Variants in SS18 observed in about 807,000 individuals in gnomAD.
SS18 encodes SS18 subunit of BAF chromatin remodeling complex.
In SS18, 28 loss-of-function variants were observed where a neutral mutation model predicts 72.5. That is an observed-to-expected ratio of 0.39 (90% confidence interval 0.29 to 0.53). The LOEUF is 0.53. Among genes scored for constraint, SS18 ranks in the 20% least tolerant of loss-of-function variants. The pLI is 0.76. For synonymous variants in SS18, 172 were observed against 164.2 expected (o/e 1.05, Z -0.37); for missense variants, 518 against 535.3 (o/e 0.97, Z 0.32).
chr18:26,077,974 C>T, intron 3 of SS18, 102 bp downstream of exon 3: 2 of 730,830 alleles, frequency 2.7e-6, no homozygotes, highest in Non-Finnish European at 4.5e-6. Context: ...CAGAGTAAAG[C>T]AGGATTTACT....
Position 26,039,298 on chromosome 18 carries a change from G to A in SS18, c.766C>T (p.Pro256Ser). 9 of 1,605,234 alleles carry A rather than the reference G, an allele frequency of 5.6e-6. No homozygotes were observed. Among genetic ancestry groups the A allele is most frequent in the Non-Finnish European group, 7.7e-6 (9 of 1,174,584 alleles). Residue 256 changes from proline (P) to serine (S), a missense_variant, in exon 6 of 11, where the codon CCT becomes TCT. Pro to Ser is a moderately conservative substitution (Grantham distance 74). Coordinates refer to ENST00000415083, the MANE Select transcript of SS18 (RefSeq NM_001007559.3). The part of the protein sequence containing the change: ...GQRQIPPYRP[P>S]QQGPPQQYSG... ...CCAAATGGAATCTTACCCTGTTGAG[G>A]AGGTCTATAGGGAGGAATCTGTCTC...
At chr18:26,031,950 A>C (rs1431241447) in intron 10 of SS18, among the ~76,000 whole-genome samples, 1 of 152,170 alleles carries the variant, frequency 6.6e-6, no homozygotes, top group Non-Finnish European at 1.5e-5. Flanking sequence ...AGGGAGGATC[A>C]CAGAAATCAC....
At chr18:26,077,941 A>G in intron 3 of SS18, 135 bp downstream of exon 3, 1 of 512,142 alleles carries the variant, frequency 2.0e-6, no homozygotes, top group African/African-American at 2.0e-5. Flanking sequence ...GCTTTTAGAT[A>G]ACATAGAATA....
At chr18:26,076,463 C>T (rs2054415069) in intron 3 of SS18, among the ~76,000 whole-genome samples, 1 of 151,818 alleles carries the variant, frequency 6.6e-6, no homozygotes, top group South Asian at 2.1e-4. Context: ...CACATGGAAA[C>T]AAATGAAACT....
intron 10 of SS18, among the ~76,000 whole-genome samples, chr18:26,022,498 C>T (rs191926116): frequency 2.7e-3 from 401 of 151,056 alleles, no homozygotes; most frequent in African/African-American, 9.6e-3. Context: ...CAGGACAGAG[C>T]CAACAAAGGA....
intron 10 of SS18, among the ~76,000 whole-genome samples, chr18:26,029,969 AC>A (rs1359297039): frequency 6.6e-5 from 10 of 152,264 alleles, no homozygotes; most frequent in Admixed American, 3.9e-4. Context: ...GTTGGCAACT[AC>A]TCAAACACCA....
intron 3 of SS18, among the ~76,000 whole-genome samples, chr18:26,063,463 G>A (rs1425373763): frequency 6.6e-6 from 1 of 152,124 alleles, no homozygotes; most frequent in Non-Finnish European, 1.5e-5. Context: ...AGCTGGCAGT[G>A]AGCCGACCAT....
Position 26,019,351 on chromosome 18 carries a change from T to A in SS18, c.1231-971A>T, listed in dbSNP as rs565430676. Among the ~76,000 whole-genome samples, 485 of 152,284 alleles carry A rather than the reference T, an allele frequency of 3.2e-3. 1 individual carries two copies. Among genetic ancestry groups the A allele is most frequent in the Middle Eastern group, 6.8e-3 (2 of 294 alleles). ...ACTGTTTCCTTTGGCTAAACAACTC[T>A]CTCTCCACGTCACAACAATATAACT... On this transcript the variant is annotated intron_variant, in intron 10 of 10. Transcript: ENST00000415083.
chr18:26,087,623 G>T (rs1280531335), intron 1 of SS18, 46 bp from the exon 2 acceptor site: 2 of 1,142,496 alleles, frequency 1.8e-6, no homozygotes, highest in African/African-American at 1.6e-5. Flanking sequence ...AGTGCATCAA[G>T]TAAAATAAAA....
chr18:26,078,108 A>C lies in SS18; in HGVS notation c.199T>G (p.Ser67Ala). Residue 67 changes from serine (S) to alanine (A), a missense_variant, in exon 3 of 11, where the codon TCT (serine) becomes GCT (alanine). Ser to Ala is a moderately conservative substitution (Grantham distance 99). Coordinates refer to ENST00000415083, the MANE Select transcript of SS18 (RefSeq NM_001007559.3). ...AAAAGAGACTGCATATTTTGATTAG[A>C]ATCTGCTATTGTAGCAAGGTATACC... ...NLVYLATIAD[S>A]NQNMQSLLPA... 1 of 1,612,874 alleles carries C rather than the reference A, an allele frequency of 6.2e-7. No individual in the cohort carries two copies. The highest frequency in any genetic ancestry group is 1.1e-5 in the South Asian group (1 of 90,974).
chr18:26,063,722 A>G (rs1190899928), intron 3 of SS18, among the ~76,000 whole-genome samples: 1 of 152,202 alleles, frequency 6.6e-6, no homozygotes, highest in Non-Finnish European at 1.5e-5. Context: ...AAATAACACT[A>G]TCATCCTTTA....
At chr18:26,070,659 G>T (rs183834183) in intron 3 of SS18, among the ~76,000 whole-genome samples, 1 of 152,140 alleles carries the variant, frequency 6.6e-6, no homozygotes, top group South Asian at 2.1e-4. Flanking sequence ...GCTAGTGCTC[G>T]ATCTTGGCCA....
At chr18:26,073,836 T>C (rs576274737) in intron 3 of SS18, among the ~76,000 whole-genome samples, 1 of 152,326 alleles carries the variant, frequency 6.6e-6, no homozygotes, top group African/African-American at 2.4e-5. Flanking sequence ...CCAGCTGAAC[T>C]AGGCACCGTT....
chr18:26,079,121 T>TC (rs1182123124), intron 2 of SS18: 1 of 152,086 alleles, frequency 6.6e-6, no homozygotes, highest in Non-Finnish European at 1.5e-5. Flanking sequence ...ATAGGCAATC[T>TC]CCAACTACAG....
chr18:26,024,816 C>G (rs1425602874), intron 10 of SS18, among the ~76,000 whole-genome samples: 1 of 151,930 alleles, frequency 6.6e-6, no homozygotes, highest in Non-Finnish European at 1.5e-5. Context: ...TTAATCATAT[C>G]CATAATCACA....
intron 3 of SS18, among the ~76,000 whole-genome samples, chr18:26,072,572 C>T (rs776500512): frequency 2.6e-5 from 4 of 152,020 alleles, no homozygotes; most frequent in South Asian, 2.1e-4. Context: ...CCAAGGCAGA[C>T]GGATCACGAG....
rs58222135 is a variant in SS18, at chr18:26,065,800, C to CATATATAT, written c.232-8066_232-8059dup. Among the ~76,000 whole-genome samples the CATATATAT allele has an allele frequency of 8.2e-3, 453 of 55,582 alleles. 24 individuals are homozygous for CATATATAT. The highest frequency in any genetic ancestry group is 0.04 in the Middle Eastern group (2 of 50). 36.5% of individuals were successfully genotyped at this position (55,582 alleles called of 152,430 possible). A position where few individuals can be genotyped will look rare whatever the true frequency, so the allele number is the denominator to read the frequency against. Reference sequence around the variant, plus strand: ...AATATATAAAGAATGCCTACAAATCCATATATATATATATATATATATATG... The same window carrying CATATATAT: ...AATATATAAAGAATGCCTACAAATCCATATATATATATATATATATATATATATATATG... On this transcript the variant is annotated intron_variant, in intron 3 of 10. Coordinates refer to ENST00000415083, the MANE Select transcript of SS18 (RefSeq NM_001007559.3).
At chr18:26,039,250 A>C (rs2053681063) in intron 6 of SS18, 39 bp downstream of exon 6, 2 of 1,542,644 alleles carry the variant, frequency 1.3e-6, no homozygotes, top group Non-Finnish European at 1.8e-6. Flanking sequence ...AAAGCCTTTC[A>C]ATTACATTAA....
In SS18 at chr18:26,057,762, T is replaced by C. The variant is rs771495376; in HGVS notation, c.232-20A>G. On this transcript the variant is annotated intron_variant, in intron 3 of 10. Coordinates refer to ENST00000415083, the MANE Select transcript of SS18 (RefSeq NM_001007559.3). ...GGGTGGCTGAAAGAAGACAGTTTAGTAAAACAAGAGAAACAGACTAATATA... is the reference window on the plus strand; with the variant it reads ...GGGTGGCTGAAAGAAGACAGTTTAGCAAAACAAGAGAAACAGACTAATATA... 1.3e-6 allele frequency: 2 copies of C among 1,582,990 alleles called. No homozygotes were observed. Among genetic ancestry groups the C allele is most frequent in the South Asian group, 2.3e-5 (2 of 87,370 alleles).
Sources: gnomAD v4.1 joint callset for allele counts (sites outside exome capture counted in the v4.1 genomes callset) on GRCh38, gnomAD v4.1.1 for gene constraint, MANE v1.5 for transcripts, NCBI Gene and HGNC (gene_info 2026-07-23, HGNC 2026-07-21) for gene names.